TTC28: variants seen among roughly 807,000 people sequenced by gnomAD.
TTC28 encodes the protein tetratricopeptide repeat protein 28.
A neutral mutation model predicts 198.0 loss-of-function variants in TTC28; 61 were observed. The ratio of observed to expected loss-of-function variants is 0.31; its 90% confidence interval spans 0.25 to 0.38. The LOEUF is 0.38. Among genes scored for constraint, TTC28 ranks in the 10% least tolerant of loss-of-function variants. The pLI is 1.00. For synonymous variants in TTC28, 1,171 were observed against 1,297.8 expected, an observed-to-expected ratio of 0.90 and a Z score of 2.10; for missense variants, 2,678 against 3,164.0, an observed-to-expected ratio of 0.85 and a Z score of 3.69.
chr22:27,989,809 C>T, intron 21 of TTC28, 69 bp downstream of exon 21: 1 of 1,510,018 alleles, frequency 6.6e-7, no homozygotes, highest in Non-Finnish European at 8.9e-7. Flanking sequence ...CAACAGAAAC[C>T]AGGAGGAAAA....
intron 12 of TTC28, among the ~76,000 whole-genome samples, chr22:28,032,220 A>AAAT (rs1569094853): frequency 1.2e-3 from 124 of 107,298 alleles, no homozygotes; most frequent in Non-Finnish European, 1.9e-3. Context: ...ATATATATAA[A>AAAT]ATATATATAT....
chr22:28,028,960 G>C (rs533116632), intron 13 of TTC28: 1 of 470,824 alleles, frequency 2.1e-6, no homozygotes, highest in Non-Finnish European at 4.4e-6. Flanking sequence ...GGCAAGGCCA[G>C]AGGCTGCACT....
intron 1 of TTC28, among the ~76,000 whole-genome samples, chr22:28,633,458 G>A (rs933880747): frequency 1.3e-5 from 2 of 151,984 alleles, no homozygotes; most frequent in African/African-American, 4.8e-5. Context: ...GCAAGACCCT[G>A]TCTCTACAAA....
At chr22:28,162,858 G>A (rs950460011) in intron 6 of TTC28, among the ~76,000 whole-genome samples, 18 of 152,338 alleles carry the variant, frequency 1.2e-4, no homozygotes, top group Middle Eastern at 3.4e-3. Flanking sequence ...GCTGAGGTGG[G>A]AAGATCACTG....
intron 2 of TTC28, among the ~76,000 whole-genome samples, chr22:28,373,324 T>G (rs2046364616): frequency 6.6e-6 from 1 of 152,032 alleles, no homozygotes; most frequent in African/African-American, 2.4e-5. Flanking sequence ...GCCCTTCATA[T>G]GGTACACAAA....
chr22:28,660,992 A>G (rs1287783862), intron 1 of TTC28, among the ~76,000 whole-genome samples: 1 of 152,028 alleles, frequency 6.6e-6, no homozygotes, highest in Non-Finnish European at 1.5e-5. Flanking sequence ...CTTAAAAACT[A>G]CTGCTTTTAA....
intron 13 of TTC28, among the ~76,000 whole-genome samples, chr22:28,025,073 C>T (rs187998781): frequency 2.0e-5 from 3 of 152,222 alleles, no homozygotes; most frequent in Admixed American, 6.5e-5. Flanking sequence ...CTGTAGCTGA[C>T]GGCAGATTGG....
At chr22:28,335,674 T>C (rs1313397634) in intron 2 of TTC28, among the ~76,000 whole-genome samples, 2 of 152,208 alleles carry the variant, frequency 1.3e-5, no homozygotes, top group African/African-American at 4.8e-5. Context: ...CTTGTGATTT[T>C]TGCACATTGA....
chr22:28,577,130 CT>C (rs1199741089), intron 2 of TTC28, among the ~76,000 whole-genome samples: 3 of 152,066 alleles, frequency 2.0e-5, no homozygotes, highest in Non-Finnish European at 2.9e-5. Context: ...CCTCTTATTA[CT>C]GCTTTTGCTG....
intron 2 of TTC28, among the ~76,000 whole-genome samples, chr22:28,370,240 T>C (rs1378392346): frequency 1.3e-5 from 2 of 152,216 alleles, no homozygotes; most frequent in African/African-American, 4.8e-5. Flanking sequence ...ACACAGTCCT[T>C]CTTAACAAGC....
At chr22:28,511,836 A>G (rs2048692652) in intron 2 of TTC28, among the ~76,000 whole-genome samples, 2 of 151,962 alleles carry the variant, frequency 1.3e-5, no homozygotes, top group Admixed American at 1.3e-4. Context: ...GAAAAAAAAA[A>G]AACACCAAAC....
chr22:28,355,095 A>T (rs1052763172), intron 2 of TTC28, among the ~76,000 whole-genome samples: 4 of 151,980 alleles, frequency 2.6e-5, no homozygotes, highest in Non-Finnish European at 5.9e-5. Flanking sequence ...ATATTTATTG[A>T]GCACTTAACA....
chr22:28,470,834 A>C (rs2048087973), intron 2 of TTC28, among the ~76,000 whole-genome samples: 1 of 152,290 alleles, frequency 6.6e-6, no homozygotes, highest in African/African-American at 2.4e-5. Context: ...GTGAAGAACA[A>C]CACAAGAGAA....
At chr22:28,211,874 G>C (rs1423600155) in intron 5 of TTC28, among the ~76,000 whole-genome samples, 1 of 152,044 alleles carries the variant, frequency 6.6e-6, no homozygotes, top group African/African-American at 2.4e-5. Flanking sequence ...TGACCACATA[G>C]TTGGAAATAA....
intron 2 of TTC28, among the ~76,000 whole-genome samples, chr22:28,599,254 T>A (rs1427835024): frequency 6.6e-6 from 1 of 152,258 alleles, no homozygotes; most frequent in African/African-American, 2.4e-5. Flanking sequence ...ATTTTGCCTA[T>A]ACAAATCAAA....
At chr22:28,080,215 G>T (rs1358778347) in intron 12 of TTC28, among the ~76,000 whole-genome samples, 2 of 152,124 alleles carry the variant, frequency 1.3e-5, no homozygotes, top group Non-Finnish European at 2.9e-5. Context: ...ACCCAGAAAT[G>T]GGATTGTTGC....
chr22:28,063,221 T>G (rs1940618113), intron 12 of TTC28, among the ~76,000 whole-genome samples: 1 of 152,206 alleles, frequency 6.6e-6, no homozygotes, highest in Admixed American at 6.6e-5. Flanking sequence ...ATACACAAAA[T>G]TTGAGTTTTC....
intron 2 of TTC28, among the ~76,000 whole-genome samples, chr22:28,526,220 G>A (rs1416767408): frequency 6.6e-6 from 1 of 152,116 alleles, no homozygotes; most frequent in African/African-American, 2.4e-5. Flanking sequence ...TCTTAAAGCT[G>A]AAATAAGACA....
At chr22:28,199,465 G>A (rs1925711651) in intron 5 of TTC28, among the ~76,000 whole-genome samples, 2 of 142,624 alleles carry the variant, frequency 1.4e-5, no homozygotes. Context: ...CCATGATTGT[G>A]CCACTGTACT....
Sources: gnomAD v4.1 joint callset for allele counts (sites outside exome capture counted in the v4.1 genomes callset) on GRCh38, gnomAD v4.1.1 for gene constraint, MANE v1.5 for transcripts, NCBI Gene and HGNC (gene_info 2026-07-23, HGNC 2026-07-21) for gene names.